Variants in TET2 observed in about 807,000 individuals in gnomAD.
TET2 encodes tet methylcytosine dioxygenase 2.
TET2 carries 299 observed loss-of-function variants against 142.9 expected under a neutral mutation model. The observed-to-expected ratio is 2.09, with a 90% CI of 1.90 to 2.30. The LOEUF (loss-of-function observed/expected upper bound fraction) is 2.30. Ranked by LOEUF, TET2 falls within the 30% of genes most tolerant of loss-of-function variation. The pLI is 0.00. For missense variants in TET2, 2,418 were observed against 2,378.0 expected (o/e 1.02, Z -0.35); for synonymous variants, 819 against 849.0 (o/e 0.96, Z 0.61).
At chr4:105,162,632 T>C (rs528424468) in intron 1 of TET2, among the ~76,000 whole-genome samples, 2 of 152,354 alleles carry the variant, frequency 1.3e-5, no homozygotes, top group South Asian at 4.1e-4. Context: ...ACTCAAACTC[T>C]TTTAGAAGCT....
chr4:105,262,369 T>G (rs960309723), intron 8 of TET2, among the ~76,000 whole-genome samples: 5 of 152,244 alleles, frequency 3.3e-5, no homozygotes, highest in Admixed American at 2.0e-4. Context: ...AAAAACATTT[T>G]TTTTTTCTAT....
At chr4:105,211,136 T>G (rs1177505264) in intron 2 of TET2, among the ~76,000 whole-genome samples, 2 of 152,244 alleles carry the variant, frequency 1.3e-5, no homozygotes, top group Non-Finnish European at 2.9e-5. Context: ...TTTGTACTTT[T>G]GTTCCCTCTA....
chr4:105,221,363 T>C (rs756551294), intron 2 of TET2, among the ~76,000 whole-genome samples: 29 of 152,178 alleles, frequency 1.9e-4, no homozygotes, highest in Non-Finnish European at 4.3e-4. Context: ...TGTCTCCAGA[T>C]CTTAAATGCA....
rs1731017240 is a variant in TET2 at position 105,272,590 on chromosome 4, T to C, written c.4209T>C (p.Asn1403=). 1 of 1,544,370 alleles carries C rather than the reference T, an allele frequency of 6.5e-7. No individual in the cohort carries two copies. The highest frequency in any genetic ancestry group is 8.7e-7 in the Non-Finnish European group (1 of 1,144,110). Residue 1403 remains asparagine (N), a synonymous_variant, in exon 10 of 11, where the codon AAT becomes AAC. Transcript: ENST00000380013. ...TLVCTLTRED[N]REFGGKPEDE... is the part of the protein sequence containing the mutation. ...TATGCACTCTCACTAGAGAAGACAA[T>C]CGAGAATTTGGAGGAAAACCTGAGG...
intron 3 of TET2, chr4:105,239,083 T>TTTTTTTTTTG (rs754799213): frequency 0.01 from 2,391 of 236,152 alleles, 47 homozygotes; most frequent in East Asian, 0.011. Flanking sequence ...TGTTTTTTTT[T>TTTTTTTTTTG]TTTGTTTTTT....
At chr4:105,262,349 T>C (rs1730477555) in intron 8 of TET2, among the ~76,000 whole-genome samples, 1 of 149,606 alleles carries the variant, frequency 6.7e-6, no homozygotes, top group African/African-American at 2.5e-5. Flanking sequence ...CTTGACTTCA[T>C]ACACCAAGCA....
intron 2 of TET2, among the ~76,000 whole-genome samples, chr4:105,225,825 A>G (rs958672355): frequency 1.3e-5 from 2 of 152,138 alleles, no homozygotes; most frequent in East Asian, 3.9e-4. Flanking sequence ...ATCAGGGGAG[A>G]TTCATAAATC....
rs1715978859 is a variant in TET2 at position 105,276,210 on chromosome 4, CT to C, written c.5704del (p.Tyr1902ThrfsTer6). ...RNHPTRISLVFYQHKSMNEPK... is the reference protein window; with the variant it reads ...RNHPTRISLVXYQHKSMNEPK... ...ATCACCCCACCAGGATCTCCCTCGTCTTTTACCAGCATAAGAGCATGAATGA... is the reference window on the plus strand; with the variant it reads ...ATCACCCCACCAGGATCTCCCTCGTCTTTACCAGCATAAGAGCATGAATGA... On this transcript the variant is annotated frameshift_variant, in exon 11 of 11. Transcript: ENST00000380013. LOFTEE classifies it high-confidence loss of function. 2 of 1,551,680 alleles carry C rather than the reference CT, an allele frequency of 1.3e-6. No homozygotes were observed. The highest frequency in any genetic ancestry group is 1.2e-5 in the South Asian group (1 of 84,066).
intron 1 of TET2, among the ~76,000 whole-genome samples, chr4:105,188,528 C>T (rs182153234): frequency 7.9e-5 from 12 of 152,258 alleles, no homozygotes; most frequent in African/African-American, 2.9e-4. Context: ...AACTTTGTTA[C>T]ATACATTTTA....
rs890159361 is a variant in TET2 at position 105,277,265 on chromosome 4, T to C, written c.*746T>C. The C allele has an allele frequency of 5.3e-5, 12 of 226,664 alleles. No homozygotes were observed. Among genetic ancestry groups the C allele is most frequent in the Admixed American group, 1.1e-4 (2 of 17,592 alleles). 14.0% of individuals were successfully genotyped at this position (226,664 alleles called of 1,614,324 possible). ...ATTACCTATTCTTACACAAGCTTAG[T>C]TTTTAAAATGTGGACATTTTAAAGG... On this transcript the variant is annotated 3_prime_UTR_variant, in exon 11 of 11. Coordinates refer to ENST00000380013, the MANE Select transcript of TET2 (RefSeq NM_001127208.3).
intron 2 of TET2, among the ~76,000 whole-genome samples, chr4:105,225,864 C>T (rs909829440): frequency 3.9e-5 from 6 of 152,112 alleles, no homozygotes; most frequent in African/African-American, 1.2e-4. Flanking sequence ...GAAAAATCAT[C>T]AGCAGTCCAG....
intron 2 of TET2, among the ~76,000 whole-genome samples, chr4:105,192,191 T>C (rs1463995035): frequency 6.6e-6 from 1 of 151,932 alleles, no homozygotes; most frequent in Non-Finnish European, 1.5e-5. Context: ...TATGGAAAAT[T>C]ATAAGATAAC....
At chr4:105,198,516 G>A (rs1726235422) in intron 2 of TET2, among the ~76,000 whole-genome samples, 1 of 152,076 alleles carries the variant, frequency 6.6e-6, no homozygotes, top group Non-Finnish European at 1.5e-5. Flanking sequence ...GTTATAAAAT[G>A]CTAACATCAA....
chr4:105,215,947 A>C (rs776062988), intron 2 of TET2, among the ~76,000 whole-genome samples: 4 of 152,142 alleles, frequency 2.6e-5, no homozygotes, highest in Admixed American at 6.6e-5. Flanking sequence ...ATGTCTGACA[A>C]CTCAGAGTTC....
rs1291930234 is a variant in TET2 at position 105,278,163 on chromosome 4, AATATATACATATATATATAT to A, written c.*1652_*1671del. 3 of 116,730 alleles carry A rather than the reference AATATATACATATATATATAT, an allele frequency of 2.6e-5. 1 individual carries two copies. The highest frequency in any genetic ancestry group is 5.6e-5 in the African/African-American group (1 of 17,968). The allele number at this position is 116,730 out of a possible 1,614,324, so 7.2% of individuals were successfully genotyped here. A position where few individuals can be genotyped will look rare whatever the true frequency, so the allele number is the denominator to read the frequency against. ...GTATTTTAGTACTGTAAAAAAATTA[AATATATACATATATATATAT>A]ATATATATATATATATATATGAGTT... On this transcript the variant is annotated 3_prime_UTR_variant, in exon 11 of 11. Transcript: ENST00000380013.
intron 1 of TET2, among the ~76,000 whole-genome samples, chr4:105,182,658 A>G (rs1725189566): frequency 6.6e-6 from 1 of 152,228 alleles, no homozygotes; most frequent in South Asian, 2.1e-4. Flanking sequence ...GAAATAGATT[A>G]GATAAAAATT....
intron 2 of TET2, among the ~76,000 whole-genome samples, chr4:105,206,629 G>T (rs1192185666): frequency 6.6e-6 from 1 of 152,108 alleles, no homozygotes; most frequent in Admixed American, 6.5e-5. Context: ...CTTTTAATGT[G>T]GATTCATCTG....
intron 1 of TET2, among the ~76,000 whole-genome samples, chr4:105,165,528 C>T (rs1245180149): frequency 6.6e-6 from 1 of 152,130 alleles, no homozygotes; most frequent in Non-Finnish European, 1.5e-5. Flanking sequence ...TTTAAAAATA[C>T]ATTATTTATG....
chr4:105,183,623 C>A (rs1725251949), intron 1 of TET2, among the ~76,000 whole-genome samples: 2 of 152,008 alleles, frequency 1.3e-5, no homozygotes, highest in Admixed American at 1.3e-4. Flanking sequence ...AGAATTAGAA[C>A]CCAAGATTAA....
Sources: allele counts gnomAD v4.1 joint callset (sites outside exome capture counted in the v4.1 genomes callset), GRCh38; gene constraint gnomAD v4.1.1; transcripts MANE v1.5; gene names NCBI Gene and HGNC (gene_info 2026-07-23, HGNC 2026-07-21).